STRN3: variants seen among roughly 807,000 people sequenced by gnomAD.
The protein encoded by STRN3 is striatin 3.
A neutral mutation model predicts 95.6 loss-of-function variants in STRN3; 29 were observed. The observed-to-expected ratio is 0.30, with a 90% CI of 0.23 to 0.41. STRN3 has a LOEUF of 0.41. Among genes scored for constraint, STRN3 ranks in the 10% least tolerant of loss-of-function variants. The pLI is 1.00. For synonymous variants in STRN3, 331 were observed against 357.6 expected, an observed-to-expected ratio of 0.93 and a Z score of 0.84; for missense variants, 890 against 972.1, an observed-to-expected ratio of 0.92 and a Z score of 1.12.
intron 3 of STRN3, among the ~76,000 whole-genome samples, chr14:30,952,716 A>G (rs1407742284): frequency 2.0e-5 from 3 of 152,130 alleles, no homozygotes; most frequent in Non-Finnish European, 2.9e-5. Flanking sequence ...AACCAAAAAA[A>G]CAACACTTAT....
intron 1 of STRN3, among the ~76,000 whole-genome samples, chr14:30,967,513 A>G (rs1880589436): frequency 6.6e-6 from 1 of 152,244 alleles, no homozygotes; most frequent in African/African-American, 2.4e-5. Flanking sequence ...CAATGTAAAC[A>G]AGGGCGTAGC....
chr14:30,967,006 G>C (rs908613372), intron 1 of STRN3, among the ~76,000 whole-genome samples: 1 of 151,734 alleles, frequency 6.6e-6, no homozygotes, highest in South Asian at 2.1e-4. Context: ...TGAGCCTTCC[G>C]GGACAGGCAA....
chr14:31,001,456 A>G (rs945722828), intron 1 of STRN3, among the ~76,000 whole-genome samples: 1 of 151,932 alleles, frequency 6.6e-6, no homozygotes, highest in African/African-American at 2.4e-5. Context: ...GAATCACTTG[A>G]GCCCAGAAGA....
intron 1 of STRN3, among the ~76,000 whole-genome samples, chr14:31,024,894 T>G (rs1883716249): frequency 1.3e-5 from 2 of 152,136 alleles, no homozygotes; most frequent in Admixed American, 1.3e-4. Flanking sequence ...CCCAAGAAAG[T>G]TAAATAACCC....
intron 7 of STRN3, among the ~76,000 whole-genome samples, chr14:30,929,534 C>T (rs1878373891): frequency 6.6e-6 from 1 of 152,102 alleles, no homozygotes; most frequent in African/African-American, 2.4e-5. Context: ...AATGGTGCTT[C>T]ATTTTCATGA....
intron 1 of STRN3, among the ~76,000 whole-genome samples, chr14:31,016,575 G>A (rs769340359): frequency 6.6e-6 from 1 of 151,672 alleles, no homozygotes; most frequent in Non-Finnish European, 1.5e-5. Context: ...ACAGAGTCTC[G>A]CTCTGTCGCC....
intron 16 of STRN3, among the ~76,000 whole-genome samples, chr14:30,899,954 T>C (rs1896259998): frequency 6.6e-6 from 1 of 152,222 alleles, no homozygotes; most frequent in Admixed American, 6.5e-5. Context: ...TTAATACTCA[T>C]TTTATAAAGT....
At chr14:30,985,945 T>C (rs1881669530) in intron 1 of STRN3, among the ~76,000 whole-genome samples, 1 of 152,188 alleles carries the variant, frequency 6.6e-6, no homozygotes, top group South Asian at 2.1e-4. Flanking sequence ...CTCAGCTCTC[T>C]TTTCATTCTC....
At chr14:30,992,127 G>C (rs557501820) in intron 1 of STRN3, among the ~76,000 whole-genome samples, 37 of 151,836 alleles carry the variant, frequency 2.4e-4, no homozygotes, top group South Asian at 1.3e-3. Flanking sequence ...AAAGGCAAAG[G>C]GGCCGGGTGC....
At chr14:30,988,951 G>A (rs1267037142) in intron 1 of STRN3, among the ~76,000 whole-genome samples, 1 of 152,214 alleles carries the variant, frequency 6.6e-6, no homozygotes, top group Admixed American at 6.5e-5. Context: ...CCCTCTGGAA[G>A]TAAAGTGTCT....
At chr14:30,958,505 A>G (rs1259167290) in intron 1 of STRN3, among the ~76,000 whole-genome samples, 1 of 152,178 alleles carries the variant, frequency 6.6e-6, no homozygotes, top group Non-Finnish European at 1.5e-5. Flanking sequence ...TTCGTCATAC[A>G]CTTTTAAGTA....
Position 30,947,223 on chromosome 14 carries a change from C to A in STRN3, c.583G>T (p.Val195Leu), listed in dbSNP as rs747038176. ...AATGACCTTACCCGCTGAGACCGTA[C>A]ATCTAATATTGTATCTGTATAACCT... ...EVGYTDTILD[V>L]RSQRVRSLLG... The change falls in exon 5 of 18, where the codon GTA becomes TTA. Residue 195 changes from valine to leucine, a missense_variant. Val to Leu is a conservative substitution (Grantham distance 32, BLOSUM62 1). Coordinates refer to ENST00000357479, the MANE Select transcript of STRN3 (RefSeq NM_001083893.2). The A allele has an allele frequency of 5.0e-6, 8 of 1,609,270 alleles. No homozygotes were observed. The highest frequency in any genetic ancestry group is 5.9e-6 in the Non-Finnish European group (7 of 1,178,302).
chr14:30,911,180 G>T lies in STRN3; in HGVS notation c.1599-18C>A. On this transcript the variant is annotated intron_variant, in intron 12 of 17. Coordinates refer to ENST00000357479, the MANE Select transcript of STRN3 (RefSeq NM_001083893.2). ...CAGGGCCGCTATTGTAGGAAGAGAG[G>T]AAAAACAAATTACTGATAAATTCTA... 1.9e-6 allele frequency: 3 copies of T among 1,599,234 alleles called. No homozygotes were observed. The highest frequency in any genetic ancestry group is 2.6e-6 in the Non-Finnish European group (3 of 1,175,036).
chr14:31,005,189 G>A lies in STRN3; in HGVS notation c.282+20715C>T, dbSNP rs145777794. Among the ~76,000 whole-genome samples, 1,356 of 152,130 alleles carry A rather than the reference G, an allele frequency of 8.9e-3. 18 individuals are homozygous for A. The highest frequency in any genetic ancestry group is 0.031 in the African/African-American group (1,299 of 41,480). On this transcript the variant is annotated intron_variant, in intron 1 of 17. Transcript: ENST00000357479. ...TCTACTAAAAATACAAAAATTAGCC[G>A]GGCATGGTGGCACACGCCAGAAGTC...
chr14:30,996,217 C>G (rs1324311533), intron 1 of STRN3, among the ~76,000 whole-genome samples: 1 of 152,146 alleles, frequency 6.6e-6, no homozygotes, highest in Non-Finnish European at 1.5e-5. Flanking sequence ...AGAAAACAGG[C>G]TCTAAAATAA....
intron 1 of STRN3, among the ~76,000 whole-genome samples, chr14:30,989,767 G>A (rs756735877): frequency 4.0e-5 from 6 of 150,626 alleles, no homozygotes; most frequent in Non-Finnish European, 8.8e-5. Context: ...CAAAACACAG[G>A]ATTTATAGCC....
chr14:30,911,562 G>A (rs562708088), intron 12 of STRN3, among the ~76,000 whole-genome samples: 3 of 152,022 alleles, frequency 2.0e-5, no homozygotes, highest in East Asian at 1.9e-4. Flanking sequence ...CTCAGCCTCC[G>A]AAAATCCTCA....
chr14:30,936,845 A>T (rs1251412363), intron 5 of STRN3, among the ~76,000 whole-genome samples: 1 of 152,206 alleles, frequency 6.6e-6, no homozygotes, highest in Admixed American at 6.5e-5. Context: ...TCATTGTCCA[A>T]AATATTTTAG....
At chr14:30,945,338 C>A (rs1879308617) in intron 5 of STRN3, among the ~76,000 whole-genome samples, 1 of 152,044 alleles carries the variant, frequency 6.6e-6, no homozygotes, top group Non-Finnish European at 1.5e-5. Flanking sequence ...ACAATGAAGG[C>A]CGGGTGTGAT....
Sources: allele counts gnomAD v4.1 joint callset (sites outside exome capture counted in the v4.1 genomes callset), GRCh38; gene constraint gnomAD v4.1.1; transcripts MANE v1.5; gene names NCBI Gene and HGNC (gene_info 2026-07-23, HGNC 2026-07-21).